Variants in BCL2 observed in about 807,000 individuals in gnomAD.
BCL2 encodes BCL2 apoptosis regulator.
A neutral mutation model predicts 14.2 loss-of-function variants in BCL2; 1 was observed. The observed-to-expected ratio is 0.07, with a 90% CI of 0.02 to 0.33. The LOEUF (loss-of-function observed/expected upper bound fraction) is 0.33, where lower values mean the gene tolerates loss of function less well. BCL2 is among the 10% of genes least tolerant of loss of function. BCL2 has a pLI of 0.99. For synonymous variants in BCL2, 151 were observed against 137.2 expected (o/e 1.10, Z -0.70); for missense variants, 247 against 305.9 (o/e 0.81, Z 1.44).
chr18:63,288,518 T>C (rs1158182964), intron 2 of BCL2, among the ~76,000 whole-genome samples: 1 of 152,244 alleles, frequency 6.6e-6, no homozygotes, highest in East Asian at 1.9e-4. Flanking sequence ...AAGATGGGCA[T>C]TGACTTGCTA....
At chr18:63,288,746 A>G (rs1471745465) in intron 2 of BCL2, among the ~76,000 whole-genome samples, 3 of 152,228 alleles carry the variant, frequency 2.0e-5, no homozygotes, top group African/African-American at 7.2e-5. Context: ...AGAAAGCATA[A>G]TGTTCTTGGC....
intron 2 of BCL2, among the ~76,000 whole-genome samples, chr18:63,308,274 A>G (rs1226694810): frequency 1.3e-5 from 2 of 152,210 alleles, no homozygotes; most frequent in East Asian, 3.8e-4. Flanking sequence ...ATGGGAGAAG[A>G]ACGAGGGGAT....
chr18:63,163,948 C>T (rs935414989), intron 2 of BCL2, among the ~76,000 whole-genome samples: 74 of 152,214 alleles, frequency 4.9e-4, no homozygotes, highest in African/African-American at 1.6e-3. Context: ...TTTATATGGC[C>T]TTTTTCATTG....
chr18:63,133,713 C>T (rs537462863), intron 2 of BCL2, among the ~76,000 whole-genome samples: 2 of 152,120 alleles, frequency 1.3e-5, no homozygotes, highest in South Asian at 2.1e-4. Flanking sequence ...GGGATATGGG[C>T]GGGGGTCCCA....
At chr18:63,250,413 T>G (rs1338338187) in intron 2 of BCL2, among the ~76,000 whole-genome samples, 1 of 152,266 alleles carries the variant, frequency 6.6e-6, no homozygotes, top group Non-Finnish European at 1.5e-5. Context: ...CATTTAATGT[T>G]AGGGCTTGTT....
At chr18:63,185,933 C>T (rs960419713) in intron 2 of BCL2, among the ~76,000 whole-genome samples, 2 of 152,176 alleles carry the variant, frequency 1.3e-5, no homozygotes, top group African/African-American at 4.8e-5. Flanking sequence ...TATTTATGAA[C>T]AGACAAAACT....
At chr18:63,235,144 GA>G (rs11346802) in intron 2 of BCL2, among the ~76,000 whole-genome samples, 73,282 of 151,958 alleles carry the variant, frequency 0.48, 18,699 homozygotes, top group African/African-American at 0.67. Context: ...ATTGGCAAAG[GA>G]AAAAAATTTT....
intron 2 of BCL2, among the ~76,000 whole-genome samples, chr18:63,212,596 G>T (rs1004730825): frequency 2.0e-5 from 3 of 149,962 alleles, no homozygotes; most frequent in Non-Finnish European, 4.5e-5. Context: ...TGCTACCTTG[G>T]CCGGGTGCGG....
intron 2 of BCL2, among the ~76,000 whole-genome samples, chr18:63,197,295 C>T (rs1373913220): frequency 6.6e-6 from 1 of 152,184 alleles, no homozygotes; most frequent in Admixed American, 6.5e-5. Context: ...GAGCTGCTGT[C>T]TCCTGGTCTG....
intron 2 of BCL2, among the ~76,000 whole-genome samples, chr18:63,235,003 T>C (rs555679072): frequency 4.6e-5 from 7 of 151,724 alleles, no homozygotes; most frequent in African/African-American, 9.7e-5. Flanking sequence ...AACGAACCAA[T>C]AGAAAAACGG....
chr18:63,246,352 CCCCTGTATTAGTCCGTGTTCA>C (rs1213547662), intron 2 of BCL2, among the ~76,000 whole-genome samples: 2 of 152,154 alleles, frequency 1.3e-5, no homozygotes, highest in Non-Finnish European at 2.9e-5. Flanking sequence ...ACTAGCCTTC[CCCCTGTATTAGTCCGTGTTCA>C]CGCTGCTGGT....
In BCL2 at chr18:63,243,810, A is replaced by C. The variant is rs145908893; in HGVS notation, c.585+74272T>G. On this transcript the variant is annotated intron_variant, in intron 2 of 2. Transcript: ENST00000333681. The stretch of plus-strand genomic sequence containing the variant: ...TATGACAAATTTTCAATTCAATCTA[A>C]TATCGAGATAGATGCTCCTAATGTC... 1.5e-3 allele frequency among the ~76,000 whole-genome samples: 226 copies of C among 152,372 alleles called. 1 individual carries two copies. Among genetic ancestry groups the C allele is most frequent in the African/African-American group, 5.2e-3 (216 of 41,592 alleles).
intron 2 of BCL2, among the ~76,000 whole-genome samples, chr18:63,226,331 G>A (rs1436072777): frequency 6.6e-6 from 1 of 152,034 alleles, no homozygotes; most frequent in African/African-American, 2.4e-5. Flanking sequence ...AAACAGGGAT[G>A]TAAATTCTCC....
chr18:63,233,830 A>C (rs1197974068), intron 2 of BCL2, among the ~76,000 whole-genome samples: 2 of 152,172 alleles, frequency 1.3e-5, no homozygotes, highest in African/African-American at 4.8e-5. Flanking sequence ...AAGCTGTGGA[A>C]GAATGCTGTC....
intron 2 of BCL2, among the ~76,000 whole-genome samples, chr18:63,166,618 G>T (rs1258857777): frequency 2.0e-5 from 3 of 152,198 alleles, no homozygotes; most frequent in Non-Finnish European, 1.5e-5. Context: ...TAATGAACTG[G>T]TGTCCCTTAG....
At chr18:63,170,669 T>C (rs1915201690) in intron 2 of BCL2, among the ~76,000 whole-genome samples, 1 of 152,240 alleles carries the variant, frequency 6.6e-6, no homozygotes, top group Non-Finnish European at 1.5e-5. Flanking sequence ...TTTCCTTGTG[T>C]CTGCCCTTTA....
At chr18:63,186,710 T>C (rs1227706090) in intron 2 of BCL2, among the ~76,000 whole-genome samples, 1 of 152,228 alleles carries the variant, frequency 6.6e-6, no homozygotes, top group African/African-American at 2.4e-5. Flanking sequence ...GATGATGCAA[T>C]AGTCAGTAAA....
intron 2 of BCL2, among the ~76,000 whole-genome samples, chr18:63,278,351 C>T (rs1228875041): frequency 6.6e-6 from 1 of 152,252 alleles, no homozygotes; most frequent in Non-Finnish European, 1.5e-5. Flanking sequence ...CTAGATCAAA[C>T]TCAGGTCGGG....
intron 2 of BCL2, among the ~76,000 whole-genome samples, chr18:63,169,385 TTC>T (rs1915162941): frequency 9.1e-6 from 1 of 109,830 alleles, no homozygotes; most frequent in African/African-American, 4.9e-5. Context: ...CTTTCTTTCT[TTC>T]TTTTTCTTTC....
Sources: gnomAD v4.1 joint callset for allele counts (sites outside exome capture counted in the v4.1 genomes callset) on GRCh38, gnomAD v4.1.1 for gene constraint, MANE v1.5 for transcripts, NCBI Gene and HGNC (gene_info 2026-07-23, HGNC 2026-07-21) for gene names.